The following MMP26 variants were observed in gnomAD, a reference collection of about 807,000 sequenced individuals.
MMP26 encodes matrix metalloproteinase-26.
A neutral mutation model predicts 31.0 loss-of-function variants in MMP26; 33 were observed. The ratio of observed to expected loss-of-function variants is 1.06; its 90% confidence interval spans 0.81 to 1.42. The LOEUF (loss-of-function observed/expected upper bound fraction) is 1.42. Ranked by LOEUF, MMP26 falls within the 40% of genes most tolerant of loss-of-function variation. The pLI, the probability that MMP26 is intolerant of heterozygous loss-of-function variation, is 0.00. For synonymous variants in MMP26, 122 were observed against 114.9 expected, an observed-to-expected ratio of 1.06 and a Z score of -0.40; for missense variants, 347 against 316.1, an observed-to-expected ratio of 1.10 and a Z score of -0.74.
intron 2 of MMP26, chr11:4,908,230 C>G (rs771047907): frequency 4.3e-6 from 7 of 1,614,100 alleles, no homozygotes; most frequent in Non-Finnish European, 8.5e-7. Flanking sequence ...CCCTTATGAA[C>G]CCCATTGTGT....
intron 2 of MMP26, among the ~76,000 whole-genome samples, chr11:4,851,679 A>T (rs1169346908): frequency 6.6e-6 from 1 of 151,988 alleles, no homozygotes; most frequent in Non-Finnish European, 1.5e-5. Flanking sequence ...TAGCACAACA[A>T]GGGGGAGGAA....
rs1849931673 is a variant in MMP26, at chr11:4,849,026, G to GT, written c.-145+81685_-145+81686insT. 3 of 1,614,072 alleles carry GT rather than the reference G, an allele frequency of 1.9e-6. No homozygotes were observed. In the South Asian group the frequency reaches 3.3e-5, roughly 18 times the overall value. On this transcript the variant is annotated intron_variant, in intron 2 of 7. Coordinates refer to ENST00000380390, the MANE Select transcript of MMP26 (RefSeq NM_021801.5). ...AGAAGTGCATTGGGCGGTGCAGGGC[G>GT]GGCTGCAGGGCAATGATCCAGAGGA...
At chr11:4,780,876 T>A (rs1310724833) in intron 2 of MMP26, among the ~76,000 whole-genome samples, 1 of 151,502 alleles carries the variant, frequency 6.6e-6, no homozygotes, top group Non-Finnish European at 1.5e-5. Flanking sequence ...TATAAATAAA[T>A]CTTTATAGGT....
rs35365239 is a variant in MMP26, at chr11:4,989,685, C to T, written c.137C>T (p.Ser46Leu). 7.6e-3 allele frequency: 12,198 copies of T among 1,613,432 alleles called. 60 individuals are homozygous for T. Among genetic ancestry groups the T allele is most frequent in the Non-Finnish European group, 9.2e-3 (10,895 of 1,179,944 alleles). Residue 46 changes from serine (S) to leucine (L), a missense_variant, in exon 4 of 8, where the codon TCG becomes TTG. Ser to Leu is a moderately radical substitution (Grantham distance 145). Transcript: ENST00000380390. The stretch of plus-strand genomic sequence containing the variant: ...CAATTTTTCCTGACCAAGAAGGAGT[C>T]GCCACTCCTTACCCAGGAGACACAA... ...FHQFFLTKKE[S>L]PLLTQETQTQ... is the part of the protein sequence containing the mutation.
In MMP26 at chr11:4,742,015, G is replaced by A. The variant is rs113734390; in HGVS notation, c.-216-25255G>A. Reference sequence around the variant, plus strand: ...AGGACAAAACTAGAGCCAGCAAGAGGGAGACTGTGAGATAGTACTTCTAAG... The same window carrying A: ...AGGACAAAACTAGAGCCAGCAAGAGAGAGACTGTGAGATAGTACTTCTAAG... On this transcript the variant is annotated intron_variant, in intron 1 of 7. Transcript: ENST00000380390. 6.8e-3 allele frequency among the ~76,000 whole-genome samples: 1,037 copies of A among 152,270 alleles called. 8 individuals carry two copies. Among genetic ancestry groups the A allele is most frequent in the Admixed American group, 0.012 (178 of 15,292 alleles).
rs190524949 is a variant in MMP26, at chr11:4,915,220, C to G, written c.-144-72848C>G. The G allele has an allele frequency of 7.4e-5, 119 of 1,613,910 alleles. No homozygotes were observed. In the African/African-American group the frequency reaches 1.4e-3, roughly 19 times the overall value. On this transcript the variant is annotated intron_variant, in intron 2 of 7. Coordinates refer to ENST00000380390, the MANE Select transcript of MMP26 (RefSeq NM_021801.5). ...TACGACCCAGAGAGACCAGGCCAAT[C>G]CTGCCAATGACTGTGTTGGTGAGAA...
intron 2 of MMP26, chr11:4,924,202 G>A (rs1851233995): frequency 6.2e-7 from 1 of 1,614,174 alleles, no homozygotes; most frequent in East Asian, 2.2e-5. Flanking sequence ...CGTGGAGAAT[G>A]GTGAGGTTCC....
chr11:4,914,772 T>C, intron 2 of MMP26: 1 of 1,613,934 alleles, frequency 6.2e-7, no homozygotes, highest in Non-Finnish European at 8.5e-7. Flanking sequence ...GTCTTCACAC[T>C]GTAGACAATG....
At chr11:4,864,148 C>T (rs751558056) in intron 2 of MMP26, among the ~76,000 whole-genome samples, 14 of 152,100 alleles carry the variant, frequency 9.2e-5, no homozygotes, top group Admixed American at 1.3e-4. Context: ...GTCTGGACTC[C>T]GCCCATCAGG....
intron 2 of MMP26, among the ~76,000 whole-genome samples, chr11:4,959,082 C>T (rs1336663208): frequency 5.3e-5 from 8 of 151,688 alleles, no homozygotes; most frequent in Non-Finnish European, 8.8e-5. Flanking sequence ...ACTAAAAATA[C>T]AAAAAATTAG....
intron 2 of MMP26, among the ~76,000 whole-genome samples, chr11:4,911,619 T>C (rs1451803626): frequency 6.6e-6 from 1 of 152,124 alleles, no homozygotes; most frequent in Non-Finnish European, 1.5e-5. Flanking sequence ...CTATACTTGT[T>C]CTGCCATTCT....
intron 2 of MMP26, among the ~76,000 whole-genome samples, chr11:4,979,127 A>T (rs1186758877): frequency 6.6e-6 from 1 of 152,152 alleles, no homozygotes. Context: ...GCATGTAGAA[A>T]GGGGCATCCA....
chr11:4,731,007 C>T (rs1353346905), intron 1 of MMP26, among the ~76,000 whole-genome samples: 3 of 152,008 alleles, frequency 2.0e-5, no homozygotes, highest in Non-Finnish European at 4.4e-5. Context: ...TGCAATGGTG[C>T]GATCTTGGTT....
intron 2 of MMP26, among the ~76,000 whole-genome samples, chr11:4,885,835 C>T (rs1190530561): frequency 6.6e-6 from 1 of 152,076 alleles, no homozygotes; most frequent in African/African-American, 2.4e-5. Context: ...TTCTAGGAAG[C>T]TTTGCTTTCA....
At chr11:4,849,315 C>T in intron 2 of MMP26, 1 of 1,191,362 alleles carries the variant, frequency 8.4e-7, no homozygotes, top group Middle Eastern at 2.9e-4. Context: ...CTGCATCTTC[C>T]CTTCCCTGAC....
intron 2 of MMP26, among the ~76,000 whole-genome samples, chr11:4,789,420 C>T (rs12274650): frequency 0.013 from 2,003 of 149,538 alleles, 16 homozygotes; most frequent in Middle Eastern, 0.021. Flanking sequence ...GTAGCAGGTT[C>T]CTGACTATAT....
intron 2 of MMP26, among the ~76,000 whole-genome samples, chr11:4,854,945 C>A (rs1360569515): frequency 1.3e-5 from 2 of 152,198 alleles, no homozygotes; most frequent in African/African-American, 2.4e-5. Flanking sequence ...GATACCCAAG[C>A]AAACAGGGTC....
intron 1 of MMP26, among the ~76,000 whole-genome samples, chr11:4,740,006 A>T (rs546626476): frequency 6.6e-6 from 1 of 152,310 alleles, no homozygotes; most frequent in South Asian, 2.1e-4. Flanking sequence ...TCATATAGAA[A>T]ATTTCAGGTA....
Position 4,992,026 on chromosome 11 carries a change from G to C in MMP26, c.658G>C (p.Gly220Arg). ...IGHSLGLQHS[G>R]NQSSIMYPTY... ...GCATTCTTTGGGCCTGCAGCACTCT[G>C]GGAATCAGAGCTCCATAATGTACCC... The change falls in exon 7 of 8, where the codon GGG (glycine) becomes CGG (arginine). Residue 220 changes from glycine (G) to arginine (R), a missense_variant. Physicochemically the swap from Gly to Arg is moderately radical, Grantham distance 125. Coordinates refer to ENST00000380390, the MANE Select transcript of MMP26 (RefSeq NM_021801.5). 1 of 1,613,720 alleles carries C rather than the reference G, an allele frequency of 6.2e-7. No homozygotes were observed. Among genetic ancestry groups the C allele is most frequent in the Non-Finnish European group, 8.5e-7 (1 of 1,179,952 alleles).
Sources: allele counts gnomAD v4.1 joint callset (sites outside exome capture counted in the v4.1 genomes callset), GRCh38; gene constraint gnomAD v4.1.1; transcripts MANE v1.5; gene names NCBI Gene and HGNC (gene_info 2026-07-23, HGNC 2026-07-21).